CTNNA3: variants seen among roughly 807,000 people sequenced by gnomAD.
The protein encoded by CTNNA3 is catenin alpha 3.
Under a neutral mutation model 95.7 loss-of-function variants are expected in CTNNA3, and 76 were observed. That is an observed-to-expected ratio of 0.79 (90% CI 0.66 to 0.96). CTNNA3 has a LOEUF of 0.96. Among genes scored for constraint, CTNNA3 ranks in the 40% least tolerant of loss-of-function variants. CTNNA3 has a pLI of 0.00. For missense variants in CTNNA3, 1,191 were observed against 1,089.8 expected (o/e 1.09, Z -1.31); for synonymous variants, 431 against 374.4 (o/e 1.15, Z -1.74).
At chr10:66,328,007 T>C (rs1271704028) in intron 12 of CTNNA3, among the ~76,000 whole-genome samples, 1 of 152,090 alleles carries the variant, frequency 6.6e-6, no homozygotes, top group Non-Finnish European at 1.5e-5. Flanking sequence ...ATGTCAATAA[T>C]GGGAATCTAA....
At chr10:66,356,126 T>TG (rs71035126) in intron 12 of CTNNA3, among the ~76,000 whole-genome samples, 3,856 of 145,126 alleles carry the variant, frequency 0.027, 65 homozygotes, top group South Asian at 0.051. Flanking sequence ...TGTTTTGTTT[T>TG]TTTTTTTTTT....
chr10:65,955,497 C>T lies in CTNNA3; in HGVS notation c.2400+11115G>A, dbSNP rs530768257. On this transcript the variant is annotated intron_variant, in intron 17 of 17. Transcript: ENST00000433211. ...CAAAGGGAATGCTTCCAGTTGTTGC[C>T]CATTCAGTATGATATTGGCTGAGGG... is the stretch of plus-strand genomic sequence containing the variant. Among the ~76,000 whole-genome samples the T allele has an allele frequency of 5.3e-5, 8 of 152,212 alleles. No individual in the cohort carries two copies. The East Asian group carries it at 1.5e-3, about 29-fold the overall frequency.
intron 9 of CTNNA3, among the ~76,000 whole-genome samples, chr10:66,730,220 A>G (rs1848916138): frequency 6.6e-6 from 1 of 152,168 alleles, no homozygotes; most frequent in Non-Finnish European, 1.5e-5. Context: ...TTAATGATAG[A>G]CTGGATAAAG....
At chr10:67,489,788 T>TTATATATATATATATATA (rs372899542) in intron 5 of CTNNA3, among the ~76,000 whole-genome samples, 11 of 142,464 alleles carry the variant, frequency 7.7e-5, no homozygotes, top group African/African-American at 2.2e-4. Context: ...ATACATGATT[T>TTATATATATATATATATA]TATATATATA....
chr10:66,358,936 T>C (rs2092632419), intron 12 of CTNNA3, among the ~76,000 whole-genome samples: 2 of 152,202 alleles, frequency 1.3e-5, no homozygotes, highest in African/African-American at 4.8e-5. Flanking sequence ...CCCCTATTCA[T>C]TTTGTTCCTT....
chr10:65,967,105 C>A (rs554263249), intron 16 of CTNNA3, among the ~76,000 whole-genome samples: 1 of 151,738 alleles, frequency 6.6e-6, no homozygotes, highest in Non-Finnish European at 1.5e-5. Flanking sequence ...TACAGGCATG[C>A]GCCACCACAC....
intron 15 of CTNNA3, among the ~76,000 whole-genome samples, chr10:66,043,149 AAAAAAGAG>A (rs2079741036): frequency 6.7e-6 from 1 of 150,342 alleles, no homozygotes; most frequent in Non-Finnish European, 1.5e-5. Context: ...AAAAAAAAAA[AAAAAAGAG>A]AGAGAGAGAA....
At chr10:66,448,402 C>T (rs943641514) in intron 11 of CTNNA3, among the ~76,000 whole-genome samples, 2 of 152,094 alleles carry the variant, frequency 1.3e-5, no homozygotes, top group African/African-American at 4.8e-5. Flanking sequence ...GCACTATTCA[C>T]AATAGCAAAG....
chr10:67,004,439 C>T (rs1851858965), intron 7 of CTNNA3, among the ~76,000 whole-genome samples: 1 of 152,196 alleles, frequency 6.6e-6, no homozygotes, highest in Admixed American at 6.5e-5. Flanking sequence ...AGGACAGCCC[C>T]ATGGCATGGT....
At chr10:66,231,232 T>C (rs914016821) in intron 13 of CTNNA3, among the ~76,000 whole-genome samples, 7 of 152,144 alleles carry the variant, frequency 4.6e-5, no homozygotes, top group Admixed American at 1.3e-4. Context: ...GCTTTTCTTT[T>C]TTCTGCAGTG....
Position 66,333,772 on chromosome 10 carries a change from C to T in CTNNA3, c.1732+45380G>A, listed in dbSNP as rs540426780. Among the ~76,000 whole-genome samples, 149 of 151,380 alleles carry T rather than the reference C, an allele frequency of 9.8e-4. 1 individual carries two copies. Among genetic ancestry groups the T allele is most frequent in the Middle Eastern group, 6.8e-3 (2 of 294 alleles). ...GCTTGGTGCAGAGCTGAGTTCAATT[C>T]CTGGATATCCTTGTTAACTTTCTGT... On this transcript the variant is annotated intron_variant, in intron 12 of 17. Transcript: ENST00000433211.
intron 7 of CTNNA3, among the ~76,000 whole-genome samples, chr10:67,135,723 T>C (rs1860269227): frequency 6.6e-6 from 1 of 151,984 alleles, no homozygotes; most frequent in Admixed American, 6.6e-5. Flanking sequence ...TTTGGAAGGG[T>C]AAGATGATCA....
At chr10:66,268,516 C>T (rs760865839) in intron 13 of CTNNA3, among the ~76,000 whole-genome samples, 2 of 152,144 alleles carry the variant, frequency 1.3e-5, no homozygotes, top group Non-Finnish European at 2.9e-5. Flanking sequence ...GTCAGACATG[C>T]ACAAGAAGGA....
chr10:67,405,166 A>T (rs1372945512), intron 5 of CTNNA3, among the ~76,000 whole-genome samples: 1 of 152,320 alleles, frequency 6.6e-6, no homozygotes, highest in East Asian at 1.9e-4. Context: ...CTGCAAAATA[A>T]CCAGCTAGCA....
At chr10:67,762,430 C>T (rs1589591596) in intron 1 of CTNNA3, among the ~76,000 whole-genome samples, 1 of 143,074 alleles carries the variant, frequency 7.0e-6, no homozygotes, top group African/African-American at 2.6e-5. Context: ...GCAATGTTAA[C>T]CATAATCAAT....
rs144062566 is a variant in CTNNA3, at chr10:66,246,945, C to T, written c.1884+33525G>A. Among the ~76,000 whole-genome samples the T allele has an allele frequency of 9.1e-3, 1,366 of 150,578 alleles. 21 individuals are homozygous for T. The highest frequency in any genetic ancestry group is 0.032 in the African/African-American group (1,303 of 40,936). On this transcript the variant is annotated intron_variant, in intron 13 of 17. Transcript: ENST00000433211. ...GTGGGTGCCTGTAGTCCCAGTTACT[C>T]GGGAGGCTGAAGCAGGAGAATCACT... is the stretch of plus-strand genomic sequence containing the variant.
chr10:67,294,947 T>C (rs1305410593), intron 5 of CTNNA3, among the ~76,000 whole-genome samples: 4 of 152,218 alleles, frequency 2.6e-5, no homozygotes, highest in South Asian at 4.1e-4. Context: ...GAATAGAATG[T>C]TCTGTTACTT....
intron 7 of CTNNA3, among the ~76,000 whole-genome samples, chr10:67,148,130 A>C (rs1330072432): frequency 6.6e-6 from 1 of 152,210 alleles, no homozygotes; most frequent in East Asian, 1.9e-4. Context: ...CTATATATGA[A>C]CTAGAAAAAT....
intron 12 of CTNNA3, among the ~76,000 whole-genome samples, chr10:66,377,690 A>G (rs2092806017): frequency 6.6e-6 from 1 of 151,976 alleles, no homozygotes; most frequent in South Asian, 2.1e-4. Flanking sequence ...TCTTTTACTT[A>G]CATTCTATTC....
Sources: allele counts gnomAD v4.1 joint callset (sites outside exome capture counted in the v4.1 genomes callset), GRCh38; gene constraint gnomAD v4.1.1; transcripts MANE v1.5; gene names NCBI Gene and HGNC (gene_info 2026-07-23, HGNC 2026-07-21).